NUP188: variants seen among roughly 807,000 people sequenced by gnomAD.
NUP188 encodes the protein nucleoporin NUP188.
A neutral mutation model predicts 223.0 loss-of-function variants in NUP188; 97 were observed. The observed-to-expected ratio is 0.43, with a 90% CI of 0.37 to 0.51. The LOEUF (loss-of-function observed/expected upper bound fraction) is 0.51, where lower values mean the gene tolerates loss of function less well. Ranked by LOEUF, NUP188 falls within the 20% of genes least tolerant of loss-of-function variation. The probability of loss-of-function intolerance (pLI) is 0.00; values close to 1 mark genes in which losing one functional copy is unlikely to be tolerated. For synonymous variants in NUP188, 869 were observed against 828.0 expected, an observed-to-expected ratio of 1.05 and a Z score of -0.85; for missense variants, 1,947 against 2,175.6, an observed-to-expected ratio of 0.89 and a Z score of 2.09.
chr9:128,968,483 T>G, intron 8 of NUP188, 23 bp from the exon 9 acceptor site: 1 of 1,585,216 alleles, frequency 6.3e-7, no homozygotes, highest in Non-Finnish European at 8.6e-7. Flanking sequence ...TTCTCTCCCA[T>G]TTTGTTTTCA....
At chr9:128,970,643 A>T in intron 10 of NUP188, 115 bp from the exon 11 acceptor site, 1 of 786,816 alleles carries the variant, frequency 1.3e-6, no homozygotes, top group Middle Eastern at 2.3e-4. Context: ...AAATATCAGA[A>T]TGAGAGAGTG....
intron 8 of NUP188, among the ~76,000 whole-genome samples, chr9:128,966,023 C>T (rs1842022148): frequency 6.6e-6 from 1 of 151,834 alleles, no homozygotes; most frequent in East Asian, 1.9e-4. Flanking sequence ...TCTCGAACTC[C>T]TGACCTCATG....
Position 128,999,217 on chromosome 9 carries a change from C to T in NUP188, c.3561C>T (p.Ile1187=), listed in dbSNP as rs1564566509. ...AAATCCTTGGACCCTTGACGGAGATCCTGGAGGGAGTGCTGCAGGCCGACC... is the reference window on the plus strand; with the variant it reads ...AAATCCTTGGACCCTTGACGGAGATTCTGGAGGGAGTGCTGCAGGCCGACC... ...VDEILGPLTE[I]LEGVLQADQQ... is the part of the protein sequence containing the mutation. Residue 1187 remains isoleucine (I), a synonymous_variant, in exon 33 of 44, where the codon ATC becomes ATT. Transcript: ENST00000372577. The T allele has an allele frequency of 1.2e-6, 2 of 1,614,086 alleles. No homozygotes were observed. The highest frequency in any genetic ancestry group is 1.7e-6 in the Non-Finnish European group (2 of 1,179,986).
Position 128,956,452 on chromosome 9 carries a change from C to T in NUP188, c.246+18C>T, listed in dbSNP as rs769149687. 5.0e-6 allele frequency: 7 copies of T among 1,396,072 alleles called. No individual in the cohort carries two copies. In the Middle Eastern group the frequency reaches 7.2e-4, roughly 143 times the overall value. The allele number at this position is 1,396,072 out of a possible 1,614,324, so 86.5% of individuals were successfully genotyped here. Reference sequence around the variant, plus strand: ...AGTTTTTGGTGAGTAAAAATTAGCACTCGCTCAATTTATTACTTGCAGTGT... The same window carrying T: ...AGTTTTTGGTGAGTAAAAATTAGCATTCGCTCAATTTATTACTTGCAGTGT... On this transcript the variant is annotated intron_variant, in intron 4 of 43. Transcript: ENST00000372577.
chr9:128,962,623 G>A (rs1034155037), intron 8 of NUP188, among the ~76,000 whole-genome samples: 1 of 151,930 alleles, frequency 6.6e-6, no homozygotes, highest in Non-Finnish European at 1.5e-5. Context: ...CACACCACTT[G>A]CACCCCATCC....
At chr9:128,992,228 C>G (rs1842446556) in intron 25 of NUP188, among the ~76,000 whole-genome samples, 1 of 150,090 alleles carries the variant, frequency 6.7e-6, no homozygotes, top group Admixed American at 6.6e-5. Flanking sequence ...TGAGACAGTC[C>G]CACTCCATCA....
chr9:128,954,862 T>G (rs572449771), intron 3 of NUP188, among the ~76,000 whole-genome samples: 3 of 152,106 alleles, frequency 2.0e-5, no homozygotes, highest in African/African-American at 7.2e-5. Context: ...TCTTCTTTTT[T>G]TTTTTTTTGA....
rs766027724 is a variant in NUP188 at position 128,968,716 on chromosome 9, G to A, written c.796G>A (p.Gly266Ser). The A allele has an allele frequency of 1.4e-5, 22 of 1,610,840 alleles. No individual in the cohort carries two copies. Among genetic ancestry groups the A allele is most frequent in the Non-Finnish European group, 1.6e-5 (19 of 1,177,240 alleles). The part of the protein sequence containing the change: ...ETMDPFVDRI[G>S]YFSALILVEG... ...TATGGATCCTTTTGTAGATCGGATT[G>A]GGTAAGTCAGTGAATTGAACATCAT... The change falls in exon 9 of 44, where the codon GGC (glycine) becomes AGC (serine). Residue 266 changes from glycine (G) to serine (S), a missense_variant and splice_region_variant. Physicochemically the swap from Gly to Ser is moderately conservative, Grantham distance 56 (BLOSUM62 0). Around this residue, in one of 3 missense-constraint regions of NUP188, gnomAD observed 817 missense variants for 865.8 expected, o/e 0.94. Transcript: ENST00000372577.
chr9:129,006,504 C>T lies in NUP188; in HGVS notation c.5076C>T (p.Ser1692=). Residue 1692 remains serine, a splice_region_variant and synonymous_variant, in exon 44 of 44, where the codon AGC becomes AGT. Transcript: ENST00000372577. ...RMKQELSSEL[S]TLLSSLSRYF... is the part of the protein sequence containing the mutation. ...CCAAGCCACTTTTTTTCTTGTAGAG[C>T]ACGCTGCTGTCCAGCCTCTCGCGCT... 6.2e-7 allele frequency: 1 copy of T among 1,612,590 alleles called. No individual in the cohort carries two copies. The highest frequency in any genetic ancestry group is 8.5e-7 in the Non-Finnish European group (1 of 1,179,498).
chr9:129,005,771 G>C lies in NUP188; in HGVS notation c.4864G>C (p.Gly1622Arg), dbSNP rs1842780783. ...AGTGAATGTGGCCCTCAACATGCTT[G>C]GAGAGGTAAGTTGGTTCTGTCAGAC... ...ATVNVALNML[G>R]ELDKKKEPLT... Residue 1622 changes from glycine (G) to arginine (R), a missense_variant, in exon 41 of 44, where the codon GGA becomes CGA. By Grantham distance (125) the Gly-to-Arg change is moderately radical. This residue lies in a region of NUP188 where 905 missense variants were observed against 990.6 expected (regional missense o/e 0.91). Coordinates refer to ENST00000372577, the MANE Select transcript of NUP188 (RefSeq NM_015354.3). 6.8e-6 allele frequency: 11 copies of C among 1,609,768 alleles called. No individual in the cohort carries two copies. The highest frequency in any genetic ancestry group is 8.5e-6 in the Non-Finnish European group (10 of 1,178,090).
At chr9:128,960,119 A>C (rs1312891725) in intron 8 of NUP188, among the ~76,000 whole-genome samples, 2 of 136,140 alleles carry the variant, frequency 1.5e-5, no homozygotes, top group Admixed American at 8.0e-5. Flanking sequence ...GCTGGAATGC[A>C]GTGGTGAGAT....
intron 19 of NUP188, 117 bp downstream of exon 19, chr9:128,983,667 A>G (rs1481961907): frequency 2.6e-6 from 2 of 760,264 alleles, no homozygotes; most frequent in Admixed American, 2.6e-5. Context: ...TTTTTTTGAG[A>G]TGGAGTCTCA....
At chr9:128,954,324 C>T (rs1436514597) in intron 3 of NUP188, among the ~76,000 whole-genome samples, 1 of 149,362 alleles carries the variant, frequency 6.7e-6, no homozygotes, top group African/African-American at 2.5e-5. Flanking sequence ...ACGCCATTCT[C>T]CTGCCTCAGC....
At chr9:128,971,062 A>G in intron 11 of NUP188, 104 bp downstream of exon 11, 1 of 881,874 alleles carries the variant, frequency 1.1e-6, no homozygotes, top group Non-Finnish European at 1.9e-6. Flanking sequence ...TCATGTTGTA[A>G]CTAACCTTTT....
chr9:128,982,922 C>G lies in NUP188; in HGVS notation c.1690C>G (p.Arg564Gly). The change falls in exon 17 of 44, where the codon CGA (arginine) becomes GGA (glycine). Residue 564 changes from arginine to glycine, a missense_variant. By Grantham distance (125) the Arg-to-Gly change is moderately radical. Coordinates refer to ENST00000372577, the MANE Select transcript of NUP188 (RefSeq NM_015354.3). ...STADVIQHCQ[R>G]VKPIIDLVHK... ...CTCAGATGTGATTCAGCACTGCCAGCGAGTCAAACCCATCATTGATCTCGT... is the reference window on the plus strand; with the variant it reads ...CTCAGATGTGATTCAGCACTGCCAGGGAGTCAAACCCATCATTGATCTCGT... The G allele has an allele frequency of 6.2e-7, 1 of 1,614,126 alleles. No homozygotes were observed. Among genetic ancestry groups the G allele is most frequent in the Admixed American group, 1.7e-5 (1 of 60,016 alleles).
intron 8 of NUP188, among the ~76,000 whole-genome samples, chr9:128,967,785 C>A (rs17507957): frequency 6.8e-6 from 1 of 147,760 alleles, no homozygotes; most frequent in Admixed American, 6.7e-5. Flanking sequence ...AGTGAGACTT[C>A]GTCTCAAAAA....
intron 10 of NUP188, 60 bp downstream of exon 10, chr9:128,969,574 T>G (rs1588275698): frequency 8.1e-6 from 7 of 868,228 alleles, no homozygotes; most frequent in Non-Finnish European, 1.2e-5. Flanking sequence ...AGCTTTCAAT[T>G]ATTGAACTGC....
chr9:128,983,062 G>A (rs752242777), intron 17 of NUP188, 34 bp downstream of exon 17: 1 of 1,611,600 alleles, frequency 6.2e-7, no homozygotes, highest in Non-Finnish European at 8.5e-7. Flanking sequence ...CAGCTGCCCA[G>A]TAGAGATCTC....
In NUP188 at chr9:128,983,481, C is replaced by T; in HGVS notation, c.1892C>T (p.Thr631Ile). ...CTTCCTTTTCCTTCTCAGGTCTGGA[C>T]TGATCTTCGTCACACAGGTTTTTTA... ...LAARNPAKVWTDLRHTGFLPF... is the reference protein window; with the variant it reads ...LAARNPAKVWIDLRHTGFLPF... The change falls in exon 19 of 44, where the codon ACT becomes ATT. Residue 631 changes from threonine to isoleucine, a missense_variant. Thr to Ile is a moderately conservative substitution (Grantham distance 89). This residue lies in a region of NUP188 where 817 missense variants were observed against 865.8 expected (regional missense o/e 0.94). Coordinates refer to ENST00000372577, the MANE Select transcript of NUP188 (RefSeq NM_015354.3). 1 of 1,614,134 alleles carries T rather than the reference C, an allele frequency of 6.2e-7. No individual in the cohort carries two copies. The highest frequency in any genetic ancestry group is 1.3e-5 in the African/African-American group (1 of 75,044).
Sources: allele counts gnomAD v4.1 joint callset (sites outside exome capture counted in the v4.1 genomes callset), GRCh38; gene constraint gnomAD v4.1.1; regional missense constraint gnomAD v4.1.1; transcripts MANE v1.5; gene names NCBI Gene and HGNC (gene_info 2026-07-23, HGNC 2026-07-21).